MAPKAP1: variants seen among roughly 807,000 people sequenced by gnomAD.
MAPKAP1 encodes the protein MAPK associated protein 1, also known as target of rapamycin complex 2 subunit MAPKAP1.
Under a neutral mutation model 65.7 loss-of-function variants are expected in MAPKAP1, and 20 were observed. That is an observed-to-expected ratio of 0.30 (90% confidence interval 0.21 to 0.44). MAPKAP1 has a LOEUF of 0.44. Among genes scored for constraint, MAPKAP1 ranks in the 20% least tolerant of loss-of-function variants. The pLI, the probability that MAPKAP1 is intolerant of heterozygous loss-of-function variation, is 1.00. For synonymous variants in MAPKAP1, 222 were observed against 244.3 expected, an observed-to-expected ratio of 0.91 and a Z score of 0.85; for missense variants, 423 against 648.0, an observed-to-expected ratio of 0.65 and a Z score of 3.77.
intron 6 of MAPKAP1, among the ~76,000 whole-genome samples, chr9:125,557,119 G>A (rs1435873806): frequency 1.3e-5 from 2 of 152,178 alleles, no homozygotes; most frequent in Non-Finnish European, 2.9e-5. Context: ...TAAGTTTAAA[G>A]CAGTTGTTAC....
chr9:125,672,934 G>A (rs1481751595), intron 1 of MAPKAP1, among the ~76,000 whole-genome samples: 2 of 152,172 alleles, frequency 1.3e-5, no homozygotes, highest in Non-Finnish European at 2.9e-5. Flanking sequence ...CATAACTACT[G>A]TTAAAACAAT....
chr9:125,658,414 A>G (rs1834093973), intron 3 of MAPKAP1, among the ~76,000 whole-genome samples: 1 of 152,254 alleles, frequency 6.6e-6, no homozygotes, highest in Admixed American at 6.5e-5. Context: ...ACATTTATTT[A>G]GCAAGTCAAT....
At chr9:125,534,778 C>T (rs914639609) in intron 7 of MAPKAP1, among the ~76,000 whole-genome samples, 1 of 152,214 alleles carries the variant, frequency 6.6e-6, no homozygotes, top group African/African-American at 2.4e-5. Context: ...GCAGCCTGAA[C>T]ACTCTTTCCC....
intron 8 of MAPKAP1, among the ~76,000 whole-genome samples, chr9:125,494,171 C>T (rs949613228): frequency 5.3e-5 from 8 of 152,080 alleles, no homozygotes; most frequent in African/African-American, 1.4e-4. Flanking sequence ...TTTCCAGAGG[C>T]CTTTTAAGTC....
chr9:125,573,450 C>G (rs764405376), intron 5 of MAPKAP1, among the ~76,000 whole-genome samples: 1 of 152,204 alleles, frequency 6.6e-6, no homozygotes, highest in East Asian at 1.9e-4. Flanking sequence ...CATTAATAAT[C>G]CACCCCTTGT....
At chr9:125,567,940 G>C (rs529520229) in intron 5 of MAPKAP1, 120 of 152,348 alleles carry the variant, frequency 7.9e-4, no homozygotes, top group African/African-American at 2.7e-3. Flanking sequence ...ACAATACTGA[G>C]GAGACCCTCC....
chr9:125,584,730 A>C (rs151155856), intron 5 of MAPKAP1, among the ~76,000 whole-genome samples: 1 of 152,212 alleles, frequency 6.6e-6, no homozygotes, highest in African/African-American at 2.4e-5. Flanking sequence ...CCCAGCTGAG[A>C]GTCCATTTTT....
intron 8 of MAPKAP1, among the ~76,000 whole-genome samples, chr9:125,499,325 C>G (rs1828902381): frequency 1.3e-5 from 2 of 152,334 alleles, no homozygotes; most frequent in South Asian, 2.1e-4. Flanking sequence ...TCTTAATAGG[C>G]AGCTAGTGGA....
intron 4 of MAPKAP1, among the ~76,000 whole-genome samples, chr9:125,608,694 G>A (rs1185153173): frequency 1.3e-5 from 2 of 152,174 alleles, no homozygotes; most frequent in Admixed American, 6.5e-5. Context: ...GCGCTCAGGG[G>A]TTTCCCTGGG....
At chr9:125,693,834 T>TACACACACACACAC (rs1430763244) in intron 1 of MAPKAP1, among the ~76,000 whole-genome samples, 3 of 87,772 alleles carry the variant, frequency 3.4e-5, no homozygotes, top group African/African-American at 9.1e-5. Context: ...CACACACATA[T>TACACACACACACAC]ATATACACAC....
At chr9:125,663,117 T>C (rs984326005) in intron 3 of MAPKAP1, among the ~76,000 whole-genome samples, 1 of 152,132 alleles carries the variant, frequency 6.6e-6, no homozygotes, top group East Asian at 1.9e-4. Context: ...ACATATCACA[T>C]CACTACTCTG....
At chr9:125,521,518 T>C (rs2133116075) in intron 7 of MAPKAP1, 1 of 1,307,704 alleles carries the variant, frequency 7.6e-7, no homozygotes, top group Non-Finnish European at 9.7e-7. Context: ...AAATAGTTTA[T>C]GGAAACCAGT....
chr9:125,622,694 T>C (rs1287660342), intron 4 of MAPKAP1, among the ~76,000 whole-genome samples: 1 of 152,196 alleles, frequency 6.6e-6, no homozygotes, highest in Non-Finnish European at 1.5e-5. Context: ...TCTGCCCATC[T>C]TGGCCTCCCA....
intron 8 of MAPKAP1, among the ~76,000 whole-genome samples, chr9:125,501,281 A>C (rs1288416747): frequency 1.3e-5 from 2 of 152,244 alleles, no homozygotes; most frequent in Non-Finnish European, 2.9e-5. Context: ...GTTTTTACAT[A>C]GTTGGGATTC....
At chr9:125,460,704 T>G (rs1853463221) in intron 10 of MAPKAP1, among the ~76,000 whole-genome samples, 1 of 152,210 alleles carries the variant, frequency 6.6e-6, no homozygotes, top group South Asian at 2.1e-4. Flanking sequence ...CCATCTATCA[T>G]ACACTGAGGG....
intron 4 of MAPKAP1, among the ~76,000 whole-genome samples, chr9:125,631,531 T>G (rs927964155): frequency 6.6e-6 from 1 of 152,228 alleles, no homozygotes; most frequent in South Asian, 2.1e-4. Flanking sequence ...CACTTATAGT[T>G]GTAAATGTCT....
chr9:125,560,706 T>C (rs142630403), intron 5 of MAPKAP1, among the ~76,000 whole-genome samples: 30 of 152,336 alleles, frequency 2.0e-4, no homozygotes, highest in African/African-American at 7.0e-4. Flanking sequence ...AGTCAGTTGG[T>C]AGAATCTGAC....
At position 125,468,030 on chromosome 9, in the gene MAPKAP1, G is replaced by A. The variant is rs111543464; in HGVS notation, c.1287C>T (p.Pro429=). 2 of 1,614,200 alleles carry A rather than the reference G, an allele frequency of 1.2e-6. No homozygotes were observed. The highest frequency in any genetic ancestry group is 1.7e-6 in the Non-Finnish European group (2 of 1,180,030). ...AGAGCAGGTCGGAATCGATTGAGATGGGTTTCTGCTTAATCCAAAACTTAG... is the reference window on the plus strand; with the variant it reads ...AGAGCAGGTCGGAATCGATTGAGATAGGTTTCTGCTTAATCCAAAACTTAG... The part of the protein sequence containing the change: ...ASTKFWIKQK[P]ISIDSDLLCA... The change falls in exon 10 of 12, where the codon CCC becomes CCT. Residue 429 remains proline (P), a synonymous_variant. Coordinates refer to ENST00000265960, the MANE Select transcript of MAPKAP1 (RefSeq NM_001006617.3).
At chr9:125,588,638 C>T (rs567898661) in intron 4 of MAPKAP1, among the ~76,000 whole-genome samples, 1 of 152,336 alleles carries the variant, frequency 6.6e-6, no homozygotes, top group South Asian at 2.1e-4. Context: ...CAGGTCTCAC[C>T]TGAACTATTG....
Sources: allele counts gnomAD v4.1 joint callset (sites outside exome capture counted in the v4.1 genomes callset), GRCh38; gene constraint gnomAD v4.1.1; transcripts MANE v1.5; gene names NCBI Gene and HGNC (gene_info 2026-07-23, HGNC 2026-07-21).